NRG1: variants seen among roughly 807,000 people sequenced by gnomAD.
NRG1 encodes the protein neuregulin 1.
A neutral mutation model predicts 63.8 loss-of-function variants in NRG1; 18 were observed. That is an observed-to-expected ratio of 0.28 (90% CI 0.19 to 0.42). The LOEUF (loss-of-function observed/expected upper bound fraction) is 0.42, where lower values mean the gene tolerates loss of function less well. Among genes scored for constraint, NRG1 ranks in the 10% least tolerant of loss-of-function variants. The pLI is 1.00. For missense variants in NRG1, 762 were observed against 814.7 expected, an observed-to-expected ratio of 0.94 and a Z score of 0.79; for synonymous variants, 302 against 301.3, an observed-to-expected ratio of 1.00 and a Z score of -0.02.
chr8:32,436,630 C>T (rs1818824097), intron 1 of NRG1, among the ~76,000 whole-genome samples: 1 of 151,996 alleles, frequency 6.6e-6, no homozygotes, highest in Admixed American at 6.6e-5. Context: ...AGAGTTATGC[C>T]AGGTCTTTTT....
chr8:32,748,415 C>A lies in NRG1; in HGVS notation c.691+5682C>A, dbSNP rs1269554152. 4.9e-5 allele frequency among the ~76,000 whole-genome samples: 7 copies of A among 143,612 alleles called. No individual in the cohort carries two copies. The Admixed American group carries it at 4.9e-4, about 10-fold the overall frequency. The allele number at this position is 143,612 out of a possible 152,430, so 94.2% of individuals were successfully genotyped here. A position where few individuals can be genotyped will look rare whatever the true frequency, so the allele number is the denominator to read the frequency against. On this transcript the variant is annotated intron_variant, in intron 7 of 11. Transcript: ENST00000356819. The stretch of plus-strand genomic sequence containing the variant: ...GAGAGAGATAAAGGAAGTCCTAGAG[C>A]CTTCCGCATCATGAAATTTGATTAT...
chr8:31,780,057 T>A (rs1362848745), intron 1 of NRG1, among the ~76,000 whole-genome samples: 4 of 152,220 alleles, frequency 2.6e-5, no homozygotes, highest in Non-Finnish European at 5.9e-5. Context: ...TGCTATGTCC[T>A]AGGAAAACAT....
intron 1 of NRG1, among the ~76,000 whole-genome samples, chr8:31,738,497 G>A (rs1814922664): frequency 6.6e-6 from 1 of 151,956 alleles, no homozygotes; most frequent in Admixed American, 6.6e-5. Flanking sequence ...AGGCTTTTCT[G>A]AACTGGGTAT....
chr8:32,120,634 T>C (rs1018818000), intron 1 of NRG1, among the ~76,000 whole-genome samples: 1 of 151,972 alleles, frequency 6.6e-6, no homozygotes, highest in African/African-American at 2.4e-5. Flanking sequence ...TTTTTTTTAT[T>C]ATTATAGTGC....
At chr8:32,092,347 C>T (rs192631754) in intron 1 of NRG1, among the ~76,000 whole-genome samples, 79 of 150,786 alleles carry the variant, frequency 5.2e-4, no homozygotes, top group African/African-American at 1.9e-3. Context: ...GTAACAGCTG[C>T]TCAAGAGGCT....
rs151031075 is a variant in NRG1 at position 31,798,258 on chromosome 8, T to C, written c.37+158827T>C. Among the ~76,000 whole-genome samples, 246 of 152,300 alleles carry C rather than the reference T, an allele frequency of 1.6e-3. 2 individuals carry two copies. Among genetic ancestry groups the C allele is most frequent in the Non-Finnish European group, 2.6e-3 (175 of 68,032 alleles). On this transcript the variant is annotated intron_variant, in intron 1 of 10. Coordinates refer to the NRG1 transcript ENST00000519301. The stretch of plus-strand genomic sequence containing the variant: ...AATGATGAATGTTTGAGGTGATAGA[T>C]ACGGTGATTACCCTGATTTGATCAT...
chr8:31,705,860 T>C, intron 1 of NRG1, among the ~76,000 whole-genome samples: 1 of 152,220 alleles, frequency 6.6e-6, no homozygotes, highest in East Asian at 1.9e-4. Context: ...GGTAATCTAA[T>C]GCCCAAGTAA....
At chr8:32,436,938 A>G (rs982410842) in intron 1 of NRG1, among the ~76,000 whole-genome samples, 4 of 151,940 alleles carry the variant, frequency 2.6e-5, no homozygotes, top group African/African-American at 9.7e-5. Context: ...TCTCTGATGC[A>G]CTATGCCATA....
chr8:31,975,336 C>G (rs143436919), intron 1 of NRG1, among the ~76,000 whole-genome samples: 178 of 152,218 alleles, frequency 1.2e-3, no homozygotes, highest in Middle Eastern at 6.8e-3. Flanking sequence ...CTACCCCACA[C>G]AGTTCTGAGG....
chr8:31,646,579 T>TA (rs920872426), intron 1 of NRG1, among the ~76,000 whole-genome samples: 3 of 152,180 alleles, frequency 2.0e-5, no homozygotes, highest in Non-Finnish European at 4.4e-5. Context: ...CAAAGATAGC[T>TA]AAAAAAATTG....
intron 1 of NRG1, among the ~76,000 whole-genome samples, chr8:31,831,107 CTTT>C (rs535337906): frequency 1.4e-5 from 2 of 146,020 alleles, no homozygotes; most frequent in Admixed American, 6.9e-5. Context: ...CCTCTTTCTT[CTTT>C]TTTTTTTTTG....
At chr8:31,982,169 T>C (rs1276516687) in intron 1 of NRG1, among the ~76,000 whole-genome samples, 1 of 151,994 alleles carries the variant, frequency 6.6e-6, no homozygotes, top group Non-Finnish European at 1.5e-5. Flanking sequence ...TCCTATATCT[T>C]TAGAGCTGTT....
At chr8:32,149,821 C>A (rs1837302050) in intron 1 of NRG1, among the ~76,000 whole-genome samples, 1 of 152,084 alleles carries the variant, frequency 6.6e-6, no homozygotes, top group African/African-American at 2.4e-5. Flanking sequence ...GTCAGTGTCC[C>A]AATTTGGAAA....
intron 7 of NRG1, among the ~76,000 whole-genome samples, chr8:32,748,358 CAGAG>C (rs34657847): frequency 0.015 from 1,770 of 121,918 alleles, 24 homozygotes; most frequent in African/African-American, 0.03. Flanking sequence ...CACACACACA[CAGAG>C]AGAGAGAGAG....
intron 1 of NRG1, among the ~76,000 whole-genome samples, chr8:32,179,741 G>A (rs1478921443): frequency 6.6e-6 from 1 of 152,182 alleles, no homozygotes; most frequent in African/African-American, 2.4e-5. Flanking sequence ...CAATGACATT[G>A]ACAGTGGACC....
At chr8:31,697,893 TTTC>T (rs1464008780) in intron 1 of NRG1, among the ~76,000 whole-genome samples, 3 of 138,664 alleles carry the variant, frequency 2.2e-5, no homozygotes, top group Non-Finnish European at 3.2e-5. Context: ...TCTCTCTTTC[TTTC>T]TTTTTTTTTT....
intron 1 of NRG1, among the ~76,000 whole-genome samples, chr8:32,038,774 C>G (rs1031988627): frequency 6.6e-6 from 1 of 152,010 alleles, no homozygotes; most frequent in East Asian, 1.9e-4. Flanking sequence ...AGCAGTCAGG[C>G]TTGCAGAGAG....
intron 1 of NRG1, among the ~76,000 whole-genome samples, chr8:32,341,923 G>A (rs765218190): frequency 1.8e-4 from 28 of 152,088 alleles, no homozygotes; most frequent in Non-Finnish European, 3.5e-4. Flanking sequence ...GGACCTATTC[G>A]AGTGAATGTT....
chr8:32,146,736 T>TA (rs1198904901), intron 1 of NRG1, among the ~76,000 whole-genome samples: 8 of 151,804 alleles, frequency 5.3e-5, no homozygotes, highest in Admixed American at 3.9e-4. Context: ...TCTTTTTTTT[T>TA]AAAAAAAGCA....
Sources: gnomAD v4.1 joint callset for allele counts (sites outside exome capture counted in the v4.1 genomes callset) on GRCh38, gnomAD v4.1.1 for gene constraint, MANE v1.5 for transcripts, NCBI Gene and HGNC (gene_info 2026-07-23, HGNC 2026-07-21) for gene names.